KRT85: variants seen among roughly 807,000 people sequenced by gnomAD.
KRT85 encodes keratin 85.
In KRT85, 39 loss-of-function variants were observed where a neutral mutation model predicts 53.7. That is an observed-to-expected ratio of 0.73 (90% CI 0.56 to 0.95). The LOEUF (loss-of-function observed/expected upper bound fraction) is 0.95. Among genes scored for constraint, KRT85 ranks in the 40% least tolerant of loss-of-function variants. The pLI is 0.00. For synonymous variants in KRT85, 291 were observed against 277.5 expected, an observed-to-expected ratio of 1.05 and a Z score of -0.48; for missense variants, 668 against 686.0, an observed-to-expected ratio of 0.97 and a Z score of 0.29.
At position 52,362,283 on chromosome 12, in the gene KRT85, G is replaced by T; in HGVS notation, c.1266C>A (p.Thr422=). 1.9e-6 allele frequency: 3 copies of T among 1,614,146 alleles called. No homozygotes were observed. Among genetic ancestry groups the T allele is most frequent in the Non-Finnish European group, 2.5e-6 (3 of 1,180,004 alleles). The change falls in exon 7 of 9, where the codon ACC becomes ACA. Residue 422 remains threonine, a synonymous_variant. Transcript: ENST00000257901. ...CCTCGCCCTCCAGCAGGCGCCTGTAGGTGGCGATCTCGATGTCCAGGCCCA... is the reference window on the plus strand; with the variant it reads ...CCTCGCCCTCCAGCAGGCGCCTGTATGTGGCGATCTCGATGTCCAGGCCCA... The part of the protein sequence containing the change: ...SKLGLDIEIA[T]YRRLLEGEEH...
chr12:52,366,968 G>A lies in KRT85; in HGVS notation c.420+18C>T, dbSNP rs199772402. The A allele has an allele frequency of 1.9e-5, 31 of 1,613,982 alleles. No individual in the cohort carries two copies. The highest frequency in any genetic ancestry group is 1.4e-5 in the Non-Finnish European group (16 of 1,179,874). On this transcript the variant is annotated intron_variant, in intron 1 of 8. Transcript: ENST00000257901. ...ACAGGGCTGGAGGCTTCTCTGGGCCGTCTCAGGCCTCACCCACCTTGTCGA... is the reference window on the plus strand; with the variant it reads ...ACAGGGCTGGAGGCTTCTCTGGGCCATCTCAGGCCTCACCCACCTTGTCGA...
At chr12:52,363,122 CTACTGGCTTTTCTCA>C in intron 5 of KRT85, 109 bp downstream of exon 5, 1 of 1,551,362 alleles carries the variant, frequency 6.4e-7, no homozygotes, top group South Asian at 1.1e-5. Context: ...AACCTGAGAA[CTACTGGCTTTTCTCA>C]TACTGTCCTC....
At chr12:52,361,245 C>A (rs914337070) in intron 8 of KRT85, among the ~76,000 whole-genome samples, 199 bp from the exon 9 acceptor site, 6 of 152,182 alleles carry the variant, frequency 3.9e-5, no homozygotes, top group African/African-American at 1.4e-4. Flanking sequence ...CCCCGGGGAG[C>A]AAAGCTGCCA....
chr12:52,363,540 A>T, intron 4 of KRT85, 130 bp from the exon 5 acceptor site: 1 of 946,082 alleles, frequency 1.1e-6, no homozygotes, highest in Middle Eastern at 2.1e-4. Context: ...TGCTCCTACC[A>T]CCTTCACTCA....
At chr12:52,362,141 A>C in intron 7 of KRT85, 110 bp downstream of exon 7, 1 of 1,275,622 alleles carries the variant, frequency 7.8e-7, no homozygotes, top group Non-Finnish European at 1.1e-6. Context: ...TATTGAAGCT[A>C]TTGTATTAGC....
chr12:52,364,704 G>A, intron 2 of KRT85: 1 of 1,422,008 alleles, frequency 7.0e-7, no homozygotes, highest in Non-Finnish European at 9.2e-7. Context: ...GTGAAGGACA[G>A]GGACATAGAG....
In KRT85 at chr12:52,367,455, G is replaced by A. The variant is rs373548606; in HGVS notation, c.-50C>T. 6.9e-6 allele frequency: 11 copies of A among 1,589,748 alleles called. No individual in the cohort carries two copies. In the African/African-American group the frequency reaches 1.5e-4, roughly 21 times the overall value. Reference sequence around the variant, plus strand: ...GAGGCAGCGGAAGGTGGTGCGGGCGGCAGAGTGCGAGGCTCAGGATCCTTC... The same window carrying A: ...GAGGCAGCGGAAGGTGGTGCGGGCGACAGAGTGCGAGGCTCAGGATCCTTC... On this transcript the variant is annotated 5_prime_UTR_variant, in exon 1 of 9. Coordinates refer to ENST00000257901, the MANE Select transcript of KRT85 (RefSeq NM_002283.4).
rs139649075 is a variant in KRT85 at position 52,367,123 on chromosome 12, T to C, written c.283A>G (p.Ile95Val). 11 of 1,613,282 alleles carry C rather than the reference T, an allele frequency of 6.8e-6. No homozygotes were observed. Among genetic ancestry groups the C allele is most frequent in the Admixed American group, 3.3e-5 (2 of 60,008 alleles). ...CTCTCGTTGACCGACACGGTAGTGA[T>C]GCATGGGGGGCTGGGTCCGCACACG... ...GGVCGPSPPC[I>V]TTVSVNESLL... The change falls in exon 1 of 9, where the codon ATC becomes GTC. Residue 95 changes from isoleucine (I) to valine (V), a missense_variant. Physicochemically the swap from Ile to Val is conservative, Grantham distance 29. Transcript: ENST00000257901.
Position 52,365,104 on chromosome 12 carries a change from AG to A in KRT85, c.486del (p.Cys163AlafsTer55). 1 of 1,614,226 alleles carries A rather than the reference AG, an allele frequency of 6.2e-7. No homozygotes were observed. The highest frequency in any genetic ancestry group is 8.5e-7 in the Non-Finnish European group (1 of 1,180,060). On this transcript the variant is annotated frameshift_variant, in exon 2 of 9. Coordinates refer to ENST00000257901, the MANE Select transcript of KRT85 (RefSeq NM_002283.4). LOFTEE classifies it high-confidence loss of function. ...AGTGGCTCCAGGTTGCTCTCGCAGC[AG>A]CGCTGGTTCTGGTAGAACTGCCACT... is the stretch of plus-strand genomic sequence containing the variant. ...ETKWQFYQNQ[R>X]CCESNLEPLF... is the part of the protein sequence containing the mutation.
rs201610119 is a variant in KRT85, at chr12:52,365,052, C to T, written c.539G>A (p.Arg180Gln). ...GGCCTCCACGCACTCGGCCTCCCGC[C>T]GCAGAGTCTCGATGTAGCCACTGAA... ...PLFSGYIETLRREAECVEADS... is the reference protein window; with the variant it reads ...PLFSGYIETLQREAECVEADS... Residue 180 changes from arginine (R) to glutamine (Q), a missense_variant, in exon 2 of 9, where the codon CGG (arginine) becomes CAG (glutamine). By Grantham distance (43) the Arg-to-Gln change is conservative (BLOSUM62 1). Coordinates refer to ENST00000257901, the MANE Select transcript of KRT85 (RefSeq NM_002283.4). The T allele has an allele frequency of 1.2e-5, 19 of 1,613,724 alleles. No individual in the cohort carries two copies. Among genetic ancestry groups the T allele is most frequent in the East Asian group, 1.1e-4 (5 of 44,886 alleles).
At chr12:52,364,615 T>C in intron 2 of KRT85, 1 of 1,440,974 alleles carries the variant, frequency 6.9e-7, no homozygotes, top group Non-Finnish European at 9.0e-7. Flanking sequence ...AAGTCTAAAA[T>C]CATCTGTGCA....
At chr12:52,363,991 G>T in intron 4 of KRT85, 77 bp downstream of exon 4, 2 of 1,089,322 alleles carry the variant, frequency 1.8e-6, no homozygotes, top group Non-Finnish European at 1.4e-6. Flanking sequence ...GCACACACAT[G>T]CACCCTTGCC....
At chr12:52,361,122 T>G in intron 8 of KRT85, 76 bp from the exon 9 acceptor site, 2 of 1,273,270 alleles carry the variant, frequency 1.6e-6, no homozygotes, top group Non-Finnish European at 2.2e-6. Context: ...CCCAGGGCAC[T>G]GCAGGAGCTG....
chr12:52,361,424 C>A (rs1405730839), intron 8 of KRT85, 43 bp downstream of exon 8: 1 of 1,597,570 alleles, frequency 6.3e-7, no homozygotes, highest in South Asian at 1.1e-5. Context: ...GCTTTTCTAT[C>A]AAAAAAGCCA....
At chr12:52,364,709 A>G in intron 2 of KRT85, 3 of 1,420,974 alleles carry the variant, frequency 2.1e-6, no homozygotes, top group Non-Finnish European at 2.8e-6. Context: ...GGACAGGGAC[A>G]TAGAGAGTGC....
In KRT85 at chr12:52,360,869, G is replaced by T. The variant is rs769187892; in HGVS notation, c.1508C>A (p.Ser503Ter). The change falls in exon 9 of 9, where the codon TCG becomes TAG. Residue 503 changes from serine to a stop codon, truncating the protein, a stop_gained. Coordinates refer to ENST00000257901, the MANE Select transcript of KRT85 (RefSeq NM_002283.4). LOFTEE classifies it high-confidence loss of function. Reference sequence around the variant, plus strand: ...ATGACTCTACTAGGCAAAGCGGACCGACCGGCTACTCCCGCAGCTGAAGCT... The same window carrying T: ...ATGACTCTACTAGGCAAAGCGGACCTACCGGCTACTCCCGCAGCTGAAGCT... ...SSSFSCGSSR[S>*]VRFA 6.2e-7 allele frequency: 1 copy of T among 1,612,210 alleles called. No individual in the cohort carries two copies. The highest frequency in any genetic ancestry group is 1.1e-5 in the South Asian group (1 of 90,964).
intron 6 of KRT85, 27 bp downstream of exon 6, chr12:52,362,827 C>A: frequency 1.9e-6 from 3 of 1,614,158 alleles, no homozygotes; most frequent in Non-Finnish European, 2.5e-6. Context: ...GCCTGTGCTG[C>A]GTATTTGAAT....
intron 2 of KRT85, 92 bp from the exon 3 acceptor site, chr12:52,364,458 G>T: frequency 6.2e-7 from 1 of 1,608,426 alleles, no homozygotes; most frequent in Non-Finnish European, 8.5e-7. Flanking sequence ...GATTGAAAAG[G>T]GATTAATCCC....
chr12:52,363,581 A>G, intron 4 of KRT85, among the ~76,000 whole-genome samples, 171 bp from the exon 5 acceptor site: 1 of 152,158 alleles, frequency 6.6e-6, no homozygotes, highest in East Asian at 1.9e-4. Flanking sequence ...AACAAAGCTG[A>G]AAGGGGCTGT....
Sources: allele counts gnomAD v4.1 joint callset (sites outside exome capture counted in the v4.1 genomes callset), GRCh38; gene constraint gnomAD v4.1.1; transcripts MANE v1.5; gene names NCBI Gene and HGNC (gene_info 2026-07-23, HGNC 2026-07-21).